Variants in GALNT17 observed in about 807,000 individuals in gnomAD.
The protein encoded by GALNT17 is UDP-GalNAc:polypeptide N-acetylgalactosaminyltransferase-like 3.
In GALNT17, 29 loss-of-function variants were observed where a neutral mutation model predicts 63.7. The ratio of observed to expected loss-of-function variants is 0.46; its 90% CI spans 0.34 to 0.62. The LOEUF is 0.62. Ranked by LOEUF, GALNT17 falls within the 20% of genes least tolerant of loss-of-function variation. The pLI is 0.01. For missense variants in GALNT17, 603 were observed against 799.6 expected (o/e 0.75, Z 2.97); for synonymous variants, 305 against 318.3 (o/e 0.96, Z 0.45).
intron 1 of GALNT17, among the ~76,000 whole-genome samples, chr7:71,286,448 A>G (rs1436809176): frequency 6.6e-5 from 10 of 152,146 alleles, no homozygotes; most frequent in African/African-American, 2.2e-4. Flanking sequence ...AGAGTTCACA[A>G]TGCTTTATTT....
intron 5 of GALNT17, among the ~76,000 whole-genome samples, chr7:71,510,376 C>G (rs762953165): frequency 5.9e-5 from 9 of 152,156 alleles, no homozygotes; most frequent in Non-Finnish European, 1.3e-4. Context: ...TCTCTCAGCC[C>G]CTCCATCCCT....
At chr7:71,258,126 C>A (rs1025360370) in intron 1 of GALNT17, among the ~76,000 whole-genome samples, 1 of 152,202 alleles carries the variant, frequency 6.6e-6, no homozygotes, top group African/African-American at 2.4e-5. Flanking sequence ...GAGCTGAGAC[C>A]CAAAAGTCCT....
chr7:71,382,701 G>C (rs977357550), intron 2 of GALNT17, among the ~76,000 whole-genome samples: 1 of 152,112 alleles, frequency 6.6e-6, no homozygotes, highest in Admixed American at 6.5e-5. Flanking sequence ...GTGTGACACC[G>C]CAATCTGGTG....
intron 2 of GALNT17, among the ~76,000 whole-genome samples, chr7:71,384,807 A>C (rs6976867): frequency 0.59 from 89,404 of 151,878 alleles, 26,873 homozygotes; most frequent in African/African-American, 0.63. Flanking sequence ...CTCTGATATC[A>C]CATTTCTCCC....
chr7:71,694,223 A>G (rs1188993641), intron 9 of GALNT17, among the ~76,000 whole-genome samples: 1 of 152,070 alleles, frequency 6.6e-6, no homozygotes, highest in Non-Finnish European at 1.5e-5. Flanking sequence ...CCATGTTTCA[A>G]TTACCTCCCA....
At chr7:71,439,943 CTTTT>C (rs370145707) in intron 5 of GALNT17, among the ~76,000 whole-genome samples, 3 of 123,410 alleles carry the variant, frequency 2.4e-5, no homozygotes, top group Admixed American at 8.5e-5. Context: ...TCCAGGCCCT[CTTTT>C]TTTTTTTTTT....
chr7:71,272,190 G>A (rs1790604444), intron 1 of GALNT17, among the ~76,000 whole-genome samples: 1 of 152,174 alleles, frequency 6.6e-6, no homozygotes, highest in African/African-American at 2.4e-5. Flanking sequence ...TGTATTGGGA[G>A]TTTCTTTCTT....
At chr7:71,282,094 A>G (rs1790788776) in intron 1 of GALNT17, among the ~76,000 whole-genome samples, 1 of 152,194 alleles carries the variant, frequency 6.6e-6, no homozygotes, top group South Asian at 2.1e-4. Flanking sequence ...TCTTGCTTTC[A>G]TGGGGACAAA....
chr7:71,688,567 C>A (rs1479358692), intron 9 of GALNT17, among the ~76,000 whole-genome samples: 3 of 152,058 alleles, frequency 2.0e-5, no homozygotes, highest in Non-Finnish European at 4.4e-5. Context: ...TCTCGTGATC[C>A]ACGTGCAGAG....
At chr7:71,174,942 T>C (rs1241183182) in intron 1 of GALNT17, among the ~76,000 whole-genome samples, 2 of 152,234 alleles carry the variant, frequency 1.3e-5, no homozygotes, top group Admixed American at 6.5e-5. Context: ...TTTCCACTTT[T>C]GAAAACTTTT....
chr7:71,214,607 C>G (rs892946032), intron 1 of GALNT17, among the ~76,000 whole-genome samples: 2 of 146,734 alleles, frequency 1.4e-5, no homozygotes, highest in Admixed American at 6.9e-5. Flanking sequence ...CATGGTGTCT[C>G]ACTCTTGTTG....
chr7:71,279,050 C>T (rs1482076556), intron 1 of GALNT17, among the ~76,000 whole-genome samples: 2 of 151,978 alleles, frequency 1.3e-5, no homozygotes, highest in African/African-American at 2.4e-5. Flanking sequence ...CTCAGCCCCC[C>T]GAGTAGCTGG....
At chr7:71,451,409 G>A (rs1303723880) in intron 5 of GALNT17, among the ~76,000 whole-genome samples, 2 of 152,094 alleles carry the variant, frequency 1.3e-5, no homozygotes, top group Non-Finnish European at 2.9e-5. Context: ...AAATTTAAAA[G>A]CTTCTATATG....
chr7:71,503,490 G>A (rs111396769), intron 5 of GALNT17, among the ~76,000 whole-genome samples: 8,246 of 152,136 alleles, frequency 0.054, 303 homozygotes, highest in Non-Finnish European at 0.083. Context: ...GCCCACCCCG[G>A]CCTCCCAAAG....
At chr7:71,162,123 C>CCTTCCTTCCTTCCTTCCTTCCCT in intron 1 of GALNT17, among the ~76,000 whole-genome samples, 1 of 53,796 alleles carries the variant, frequency 1.9e-5, no homozygotes, top group African/African-American at 1.2e-4. Flanking sequence ...CTCCCTCCCT[C>CCTTCCTTCCTTCCTTCCTTCCCT]CCTTCCTTCC....
chr7:71,469,137 C>G lies in GALNT17; in HGVS notation c.962+48032C>G, dbSNP rs77823732. 3.9e-3 allele frequency among the ~76,000 whole-genome samples: 600 copies of G among 152,072 alleles called. 3 individuals are homozygous for G. Among genetic ancestry groups the G allele is most frequent in the African/African-American group, 0.014 (562 of 41,490 alleles). The stretch of plus-strand genomic sequence containing the variant: ...CAGCAGAGGAGGGAAGGTGTTCTGG[C>G]TTCAGGAAAGGGTGGGGTATGTGAA... On this transcript the variant is annotated intron_variant, in intron 5 of 10. Coordinates refer to ENST00000333538, the MANE Select transcript of GALNT17 (RefSeq NM_022479.3).
intron 9 of GALNT17, among the ~76,000 whole-genome samples, chr7:71,679,462 C>G (rs527647320): frequency 1.9e-4 from 29 of 152,258 alleles, no homozygotes; most frequent in African/African-American, 6.7e-4. Context: ...TCTTGATTAC[C>G]TATTCTAAAA....
intron 1 of GALNT17, among the ~76,000 whole-genome samples, chr7:71,226,823 A>C (rs529315014): frequency 1.3e-5 from 2 of 152,162 alleles, no homozygotes; most frequent in African/African-American, 4.8e-5. Flanking sequence ...AGCCTTATAC[A>C]TGAATGGAAA....
In GALNT17 at chr7:71,315,442, G is replaced by A. The variant is rs575205537; in HGVS notation, c.239-20108G>A. Among the ~76,000 whole-genome samples, 3 of 152,298 alleles carry A rather than the reference G, an allele frequency of 2.0e-5. No individual in the cohort carries two copies. In the South Asian group the frequency reaches 6.2e-4, roughly 32 times the overall value. On this transcript the variant is annotated intron_variant, in intron 1 of 10. Coordinates refer to ENST00000333538, the MANE Select transcript of GALNT17 (RefSeq NM_022479.3). ...ATTCCATGTTTCACCTTTGGAGGAA[G>A]TACCAGACTGTTTTCTGAAACAGCT...
Sources: gnomAD v4.1 joint callset for allele counts (sites outside exome capture counted in the v4.1 genomes callset) on GRCh38, gnomAD v4.1.1 for gene constraint, MANE v1.5 for transcripts, NCBI Gene and HGNC (gene_info 2026-07-23, HGNC 2026-07-21) for gene names.